The following G2E3 variants were observed in gnomAD, a reference collection of about 807,000 sequenced individuals.
G2E3 encodes G2/M phase-specific E3 ubiquitin-protein ligase.
G2E3 carries 35 observed loss-of-function variants against 92.8 expected under a neutral mutation model. The observed-to-expected ratio is 0.38, with a 90% CI of 0.29 to 0.50. G2E3 has a LOEUF of 0.50. Ranked by LOEUF, G2E3 falls within the 20% of genes least tolerant of loss-of-function variation. The pLI is 0.94. For synonymous variants in G2E3, 242 were observed against 272.4 expected, an observed-to-expected ratio of 0.89 and a Z score of 1.10; for missense variants, 554 against 823.8, an observed-to-expected ratio of 0.67 and a Z score of 4.01.
intron 1 of G2E3, among the ~76,000 whole-genome samples, chr14:30,573,993 CT>C (rs1048116175): frequency 3.9e-5 from 6 of 152,122 alleles, no homozygotes; most frequent in African/African-American, 1.2e-4. Flanking sequence ...ATTTTTAAAC[CT>C]TTTTTTATTT....
At chr14:30,569,958 G>A (rs1029330275) in intron 1 of G2E3, among the ~76,000 whole-genome samples, 6 of 152,154 alleles carry the variant, frequency 3.9e-5, no homozygotes, top group South Asian at 2.1e-4. Flanking sequence ...TCACAATTAC[G>A]TTATAATATC....
intron 11 of G2E3, 40 bp from the exon 12 acceptor site, chr14:30,607,848 A>T (rs1449606054): frequency 1.9e-6 from 2 of 1,065,174 alleles, no homozygotes; most frequent in Non-Finnish European, 2.8e-6. Context: ...ATCTTATAAT[A>T]ATAGAAGTGT....
intron 1 of G2E3, among the ~76,000 whole-genome samples, chr14:30,566,009 C>T (rs539181682): frequency 5.3e-5 from 8 of 152,202 alleles, no homozygotes; most frequent in East Asian, 3.9e-4. Context: ...GACCATTTGT[C>T]GAAGAGACTG....
intron 11 of G2E3, among the ~76,000 whole-genome samples, chr14:30,606,639 A>G (rs1381469452): frequency 1.3e-5 from 2 of 152,134 alleles, no homozygotes; most frequent in Admixed American, 6.5e-5. Flanking sequence ...AAGTTTGTAC[A>G]CATCTAGTTC....
intron 1 of G2E3, among the ~76,000 whole-genome samples, chr14:30,580,463 C>T (rs1880372079): frequency 6.6e-6 from 1 of 152,182 alleles, no homozygotes. Context: ...GCCTCAGCCT[C>T]CCAAAGTGCT....
At chr14:30,567,679 T>G (rs1285751814) in intron 1 of G2E3, among the ~76,000 whole-genome samples, 1 of 152,016 alleles carries the variant, frequency 6.6e-6, no homozygotes. Context: ...TTCTGCTAGC[T>G]TTGGGTTTAG....
At chr14:30,567,618 A>C (rs577889237) in intron 1 of G2E3, among the ~76,000 whole-genome samples, 2 of 151,826 alleles carry the variant, frequency 1.3e-5, no homozygotes, top group African/African-American at 4.8e-5. Context: ...ATTGATTCTC[A>C]ATTTAAAAAT....
intron 1 of G2E3, among the ~76,000 whole-genome samples, chr14:30,563,538 A>C (rs1879241978): frequency 6.9e-6 from 1 of 144,134 alleles, no homozygotes; most frequent in Admixed American, 6.9e-5. Flanking sequence ...GAAAGGTCTT[A>C]TGTGTTGCTA....
chr14:30,572,647 G>T (rs1397779015), intron 1 of G2E3, among the ~76,000 whole-genome samples: 1 of 151,834 alleles, frequency 6.6e-6, no homozygotes, highest in East Asian at 1.9e-4. Flanking sequence ...GTATTAACAT[G>T]GTGTATTACT....
chr14:30,572,063 C>G (rs1594467035), intron 1 of G2E3, among the ~76,000 whole-genome samples: 1 of 152,026 alleles, frequency 6.6e-6, no homozygotes, highest in South Asian at 2.1e-4. Flanking sequence ...TCATTTCTCT[C>G]AGCAGTGTTT....
chr14:30,598,884 G>A (rs229261), intron 8 of G2E3, among the ~76,000 whole-genome samples: 129,981 of 152,244 alleles, frequency 0.85, 55,794 homozygotes, highest in African/African-American at 0.95. Context: ...GAGCACTTGA[G>A]ATTTCCCTTT....
chr14:30,588,377 G>A (rs1880831461), intron 3 of G2E3, among the ~76,000 whole-genome samples: 1 of 149,992 alleles, frequency 6.7e-6, no homozygotes, highest in Non-Finnish European at 1.5e-5. Flanking sequence ...AATTCTTAGT[G>A]TGTATCACTT....
At chr14:30,585,949 C>G (rs1027036895) in intron 2 of G2E3, among the ~76,000 whole-genome samples, 5 of 152,128 alleles carry the variant, frequency 3.3e-5, no homozygotes, top group Non-Finnish European at 5.9e-5. Flanking sequence ...AGAAGGTTTT[C>G]CAAATTTTTA....
intron 1 of G2E3, among the ~76,000 whole-genome samples, chr14:30,571,053 A>C (rs2138784109): frequency 6.6e-6 from 1 of 152,190 alleles, no homozygotes; most frequent in South Asian, 2.1e-4. Context: ...AGGTCACAGA[A>C]ATTTTCTCCT....
chr14:30,604,319 A>G (rs1023094104), intron 10 of G2E3, among the ~76,000 whole-genome samples: 3 of 152,248 alleles, frequency 2.0e-5, no homozygotes, highest in Non-Finnish European at 4.4e-5. Context: ...CCTGGCCTAC[A>G]CTAGGGCACT....
intron 1 of G2E3, chr14:30,577,953 G>A (rs1001128554): frequency 6.6e-6 from 1 of 152,002 alleles, no homozygotes; most frequent in African/African-American, 2.4e-5. Context: ...AGTCCAGTCT[G>A]TTATTAAGAC....
At chr14:30,611,281 A>G (rs976308797) in intron 12 of G2E3, 1 of 152,198 alleles carries the variant, frequency 6.6e-6, no homozygotes, top group Non-Finnish European at 1.5e-5. Flanking sequence ...ATACCCAATT[A>G]TTACTCCGAC....
chr14:30,592,614 G>A (rs564048509), intron 5 of G2E3, among the ~76,000 whole-genome samples, 167 bp downstream of exon 5: 2 of 95,462 alleles, frequency 2.1e-5, no homozygotes, highest in African/African-American at 8.3e-5. Flanking sequence ...TCATTTCTAT[G>A]TGCCAAGTCT....
intron 5 of G2E3, among the ~76,000 whole-genome samples, 173 bp downstream of exon 5, chr14:30,592,620 A>G (rs779217017): frequency 1.3e-5 from 2 of 148,546 alleles, no homozygotes; most frequent in Admixed American, 6.7e-5. Context: ...CTATGTGCCA[A>G]GTCTTGAGAA....
Sources: allele counts gnomAD v4.1 joint callset (sites outside exome capture counted in the v4.1 genomes callset), GRCh38; gene constraint gnomAD v4.1.1; transcripts MANE v1.5; gene names NCBI Gene and HGNC (gene_info 2026-07-23, HGNC 2026-07-21).